The following CACHD1 variants were observed in gnomAD, a reference collection of about 807,000 sequenced individuals.
CACHD1 encodes the protein VWFA and cache domain-containing protein 1.
CACHD1 carries 71 observed loss-of-function variants against 138.7 expected under a neutral mutation model. The ratio of observed to expected loss-of-function variants is 0.51; its 90% confidence interval spans 0.42 to 0.62. The LOEUF (loss-of-function observed/expected upper bound fraction) is 0.62, where lower values mean the gene tolerates loss of function less well. Among genes scored for constraint, CACHD1 ranks in the 20% least tolerant of loss-of-function variants. The pLI, the probability that CACHD1 is intolerant of heterozygous loss-of-function variation, is 0.00. For synonymous variants in CACHD1, 578 were observed against 591.5 expected (o/e 0.98, Z 0.33); for missense variants, 1,389 against 1,625.3 (o/e 0.85, Z 2.50).
At chr1:64,487,257 C>T (rs928260585) in intron 1 of CACHD1, among the ~76,000 whole-genome samples, 2 of 152,076 alleles carry the variant, frequency 1.3e-5, no homozygotes, top group Non-Finnish European at 2.9e-5. Flanking sequence ...GCTCTGTCAC[C>T]CCCTGGCTGT....
At chr1:64,691,290 C>T in intron 26 of CACHD1, 33 bp from the exon 27 acceptor site, 2 of 1,595,738 alleles carry the variant, frequency 1.3e-6, no homozygotes, top group Non-Finnish European at 8.6e-7. Context: ...TCTTGAAGCT[C>T]TCAGCTGTGT....
At chr1:64,687,098 G>C (rs1211441356) in intron 26 of CACHD1, among the ~76,000 whole-genome samples, 1 of 152,180 alleles carries the variant, frequency 6.6e-6, no homozygotes, top group Non-Finnish European at 1.5e-5. Flanking sequence ...ACTTGAGATT[G>C]TATTTGCAGA....
chr1:64,643,699 G>T (rs868607301), intron 8 of CACHD1, among the ~76,000 whole-genome samples: 1 of 152,108 alleles, frequency 6.6e-6, no homozygotes, highest in Non-Finnish European at 1.5e-5. Flanking sequence ...TTAGCCAGGC[G>T]TGGTGGCGGG....
At chr1:64,685,218 G>A (rs910608200) in intron 26 of CACHD1, among the ~76,000 whole-genome samples, 9 of 152,276 alleles carry the variant, frequency 5.9e-5, no homozygotes, top group African/African-American at 2.2e-4. Flanking sequence ...GTACAATTGT[G>A]TTTTAGTTGC....
chr1:64,578,438 G>A (rs1403121334), intron 2 of CACHD1, among the ~76,000 whole-genome samples: 2 of 152,152 alleles, frequency 1.3e-5, no homozygotes, highest in Non-Finnish European at 2.9e-5. Flanking sequence ...GCTTCAATAT[G>A]TATATCCTAG....
Position 64,681,355 on chromosome 1 carries a change from G to GC in CACHD1, c.3484+21dup. 1 of 1,583,314 alleles carries GC rather than the reference G, an allele frequency of 6.3e-7. No homozygotes were observed. The highest frequency in any genetic ancestry group is 2.2e-5 in the East Asian group (1 of 44,622). ...GCATCAGTGAGTATTCAGCTGCCTTGCTGCAGAATGTGTCAGCAGGAGGCT... is the reference window on the plus strand; with the variant it reads ...GCATCAGTGAGTATTCAGCTGCCTTGCCTGCAGAATGTGTCAGCAGGAGGCT... On this transcript the variant is annotated intron_variant, in intron 25 of 26. Coordinates refer to ENST00000651257, the MANE Select transcript of CACHD1 (RefSeq NM_020925.4).
chr1:64,634,177 A>G lies in CACHD1; in HGVS notation c.923A>G (p.Asp308Gly). Residue 308 changes from aspartate (D) to glycine (G), a missense_variant, in exon 7 of 27, where the codon GAC becomes GGC. Asp to Gly is a moderately conservative substitution (Grantham distance 94). Coordinates refer to ENST00000651257, the MANE Select transcript of CACHD1 (RefSeq NM_020925.4). ...STFVSSVKSS[D>G]SPTQHAVGFQ... The stretch of plus-strand genomic sequence containing the variant: ...TTTGTTAGCAGCGTGAAGTCTTCAG[A>G]CAGTCCTACCCAGCACGCAGTGGGA... 2 of 1,614,086 alleles carry G rather than the reference A, an allele frequency of 1.2e-6. No individual in the cohort carries two copies. Among genetic ancestry groups the G allele is most frequent in the South Asian group, 2.2e-5 (2 of 91,076 alleles).
At chr1:64,550,731 C>A (rs1646752830) in intron 2 of CACHD1, 75 bp downstream of exon 2, 3 of 962,874 alleles carry the variant, frequency 3.1e-6, no homozygotes, top group Non-Finnish European at 5.0e-6. Flanking sequence ...TCTTTCCAAG[C>A]AATCTCCACT....
intron 7 of CACHD1, 81 bp downstream of exon 7, chr1:64,634,341 T>A: frequency 1.2e-6 from 1 of 841,384 alleles, no homozygotes; most frequent in Non-Finnish European, 1.9e-6. Flanking sequence ...GATCACACAA[T>A]GATGTTTAGA....
chr1:64,641,977 G>C lies in CACHD1; in HGVS notation c.1156+8G>C. The C allele has an allele frequency of 6.5e-7, 1 of 1,544,626 alleles. No individual in the cohort carries two copies. Among genetic ancestry groups the C allele is most frequent in the South Asian group, 1.3e-5 (1 of 78,738 alleles). On this transcript the variant is annotated splice_region_variant and intron_variant, in intron 8 of 26. Transcript: ENST00000651257. ...CCTATGCCCTCATGAACGGTAGGTA[G>C]AGTTTCAAGATATTCCTTTCAGATC...
At chr1:64,542,256 A>G (rs1449838325) in intron 1 of CACHD1, among the ~76,000 whole-genome samples, 1 of 152,212 alleles carries the variant, frequency 6.6e-6, no homozygotes, top group Non-Finnish European at 1.5e-5. Context: ...GACCTGGGTC[A>G]TGTGTACCTG....
intron 3 of CACHD1, among the ~76,000 whole-genome samples, chr1:64,602,298 A>C (rs1410885102): frequency 6.6e-6 from 1 of 152,198 alleles, no homozygotes; most frequent in African/African-American, 2.4e-5. Context: ...TGAGACCCAG[A>C]AAAATTGAAT....
chr1:64,475,141 C>T (rs1646167067), intron 1 of CACHD1, among the ~76,000 whole-genome samples: 1 of 148,848 alleles, frequency 6.7e-6, no homozygotes, highest in South Asian at 2.1e-4. Context: ...TCTTTGTATG[C>T]AGTAAAACAA....
chr1:64,498,124 T>C (rs957591663), intron 1 of CACHD1, among the ~76,000 whole-genome samples: 6 of 152,102 alleles, frequency 3.9e-5, no homozygotes, highest in African/African-American at 1.4e-4. Flanking sequence ...AAGACTCTGT[T>C]CCTAAAACAA....
intron 4 of CACHD1, among the ~76,000 whole-genome samples, chr1:64,612,460 G>A (rs775064244): frequency 7.9e-5 from 12 of 152,000 alleles, no homozygotes; most frequent in Admixed American, 1.3e-4. Flanking sequence ...ACTTATCGTC[G>A]TTGTTGCTAA....
chr1:64,687,256 A>G (rs75681619), intron 26 of CACHD1, among the ~76,000 whole-genome samples: 17,712 of 152,224 alleles, frequency 0.12, 1,101 homozygotes, highest in African/African-American at 0.17. Context: ...TGCTCAGCAG[A>G]ACTGCCTGGC....
chr1:64,619,381 G>T (rs745940252), intron 4 of CACHD1, among the ~76,000 whole-genome samples: 10 of 152,198 alleles, frequency 6.6e-5, no homozygotes, highest in Non-Finnish European at 1.3e-4. Flanking sequence ...TTACAAAATT[G>T]TGGGGGTTTG....
intron 4 of CACHD1, among the ~76,000 whole-genome samples, chr1:64,619,567 T>A (rs1647834584): frequency 6.6e-6 from 1 of 152,178 alleles, no homozygotes; most frequent in Non-Finnish European, 1.5e-5. Flanking sequence ...GAGCCTTACA[T>A]ACTGGGATGC....
At chr1:64,630,281 C>T (rs1200611230) in intron 5 of CACHD1, among the ~76,000 whole-genome samples, 2 of 151,600 alleles carry the variant, frequency 1.3e-5, no homozygotes, top group Non-Finnish European at 2.9e-5. Flanking sequence ...GAAAATACTT[C>T]ATCTGTGCTT....
Sources: allele counts gnomAD v4.1 joint callset (sites outside exome capture counted in the v4.1 genomes callset), GRCh38; gene constraint gnomAD v4.1.1; transcripts MANE v1.5; gene names NCBI Gene and HGNC (gene_info 2026-07-23, HGNC 2026-07-21).